SMYD3: variants seen among roughly 807,000 people sequenced by gnomAD.
SMYD3 encodes the protein SET and MYND domain containing 3, also known as histone-lysine N-methyltransferase SMYD3.
Under a neutral mutation model 57.7 loss-of-function variants are expected in SMYD3, and 36 were observed. The observed-to-expected ratio is 0.62, with a 90% CI of 0.48 to 0.82. The LOEUF is 0.82. SMYD3 is among the 40% of genes least tolerant of loss of function. The pLI, the probability that SMYD3 is intolerant of heterozygous loss-of-function variation, is 0.00. For missense variants in SMYD3, 515 were observed against 538.8 expected (o/e 0.96, Z 0.44); for synonymous variants, 211 against 195.0 (o/e 1.08, Z -0.68).
At chr1:246,176,342 T>TA (rs1422834801) in intron 5 of SMYD3, among the ~76,000 whole-genome samples, 16 of 152,292 alleles carry the variant, frequency 1.1e-4, no homozygotes, top group African/African-American at 3.9e-4. Context: ...GGACTATATT[T>TA]AGCTCTTCAG....
chr1:245,762,517 C>A (rs1431115054), intron 11 of SMYD3, among the ~76,000 whole-genome samples: 1 of 152,158 alleles, frequency 6.6e-6, no homozygotes. Flanking sequence ...TACCCCCAGA[C>A]CAGAAAAGGA....
intron 8 of SMYD3, among the ~76,000 whole-genome samples, chr1:245,906,973 A>G: frequency 6.6e-6 from 1 of 152,230 alleles, no homozygotes; most frequent in East Asian, 1.9e-4. Flanking sequence ...TATTACTAAA[A>G]AATCACATGT....
chr1:246,339,700 G>A (rs2065600528), intron 2 of SMYD3, among the ~76,000 whole-genome samples: 1 of 152,198 alleles, frequency 6.6e-6, no homozygotes, highest in Admixed American at 6.5e-5. Flanking sequence ...TTCATGTGCT[G>A]GAAACGTAAT....
rs760975005 is a variant in SMYD3 at position 245,749,536 on chromosome 1, G to A, written c.*27C>T. ...AATAAGGCATTCAACAAAGACACAC[G>A]CCGTATTTCCCTCTGACTGCGTTCC... On this transcript the variant is annotated 3_prime_UTR_variant, in exon 12 of 12. Transcript: ENST00000490107. 49 of 1,561,890 alleles carry A rather than the reference G, an allele frequency of 3.1e-5. No individual in the cohort carries two copies. The Admixed American group carries it at 4.5e-4, about 14-fold the overall frequency.
chr1:246,013,304 C>T (rs1238721146), intron 5 of SMYD3, among the ~76,000 whole-genome samples: 1 of 152,148 alleles, frequency 6.6e-6, no homozygotes, highest in Non-Finnish European at 1.5e-5. Context: ...CCCAGCCTCC[C>T]GAGTAGCTGG....
At chr1:246,197,903 C>T (rs1216529368) in intron 5 of SMYD3, among the ~76,000 whole-genome samples, 1 of 152,170 alleles carries the variant, frequency 6.6e-6, no homozygotes, top group African/African-American at 2.4e-5. Context: ...AACAGTCTTT[C>T]CAATACTAAA....
chr1:246,277,154 T>A (rs1331156877), intron 5 of SMYD3, among the ~76,000 whole-genome samples: 3 of 152,172 alleles, frequency 2.0e-5, no homozygotes, highest in African/African-American at 7.2e-5. Context: ...TGTGAACTTG[T>A]AAATAGTTGA....
chr1:245,907,282 T>A (rs1375158747), intron 8 of SMYD3, among the ~76,000 whole-genome samples: 1 of 152,224 alleles, frequency 6.6e-6, no homozygotes, highest in Non-Finnish European at 1.5e-5. Flanking sequence ...TTCCTTAACA[T>A]GCTTCTTTCA....
chr1:245,764,238 A>T, intron 10 of SMYD3, 89 bp from the exon 11 acceptor site: 1 of 826,246 alleles, frequency 1.2e-6, no homozygotes, highest in East Asian at 2.5e-5. Context: ...GGAAGCAGAC[A>T]CTAGCTGTGA....
At chr1:246,032,980 T>A (rs1303430324) in intron 5 of SMYD3, among the ~76,000 whole-genome samples, 1 of 152,190 alleles carries the variant, frequency 6.6e-6, no homozygotes, top group Admixed American at 6.5e-5. Context: ...GCTTTAGGGA[T>A]CGCTGCAAGT....
At chr1:246,133,633 C>G (rs12075481) in intron 5 of SMYD3, among the ~76,000 whole-genome samples, 11 of 152,058 alleles carry the variant, frequency 7.2e-5, no homozygotes, top group Non-Finnish European at 1.6e-4. Flanking sequence ...CTGATACTAA[C>G]GGAAGCAGGG....
intron 2 of SMYD3, among the ~76,000 whole-genome samples, chr1:246,341,105 A>T (rs1022339856): frequency 6.6e-6 from 1 of 152,216 alleles, no homozygotes; most frequent in African/African-American, 2.4e-5. Context: ...ATAGCTTTCC[A>T]TTACTATTTA....
intron 5 of SMYD3, among the ~76,000 whole-genome samples, chr1:246,200,333 G>T (rs1412493117): frequency 1.3e-5 from 2 of 151,928 alleles, no homozygotes; most frequent in Non-Finnish European, 2.9e-5. Context: ...GAACAGCGTA[G>T]ACGCTGAGCA....
At chr1:245,771,075 T>C (rs372902677) in intron 10 of SMYD3, among the ~76,000 whole-genome samples, 18 of 152,038 alleles carry the variant, frequency 1.2e-4, no homozygotes, top group African/African-American at 3.1e-4. Flanking sequence ...CACATATACA[T>C]ACATACATAT....
At chr1:246,237,789 T>C (rs1021231184) in intron 5 of SMYD3, among the ~76,000 whole-genome samples, 2 of 152,292 alleles carry the variant, frequency 1.3e-5, no homozygotes, top group East Asian at 3.9e-4. Context: ...TGTGACTTAG[T>C]TTACTGTATT....
intron 5 of SMYD3, among the ~76,000 whole-genome samples, chr1:246,286,895 A>G (rs1159241562): frequency 6.7e-6 from 1 of 148,774 alleles, no homozygotes; most frequent in Non-Finnish European, 1.5e-5. Flanking sequence ...TTTTTTTGAG[A>G]CAGTCTTGCT....
intron 8 of SMYD3, among the ~76,000 whole-genome samples, chr1:245,894,326 CACTCTGTAAAAGGAACCAAT>C (rs2053604895): frequency 6.6e-6 from 1 of 151,672 alleles, no homozygotes; most frequent in African/African-American, 2.4e-5. Flanking sequence ...AACCTATCAG[CACTCTGTAAAAGGAACCAAT>C]CAGCAGGACA....
At chr1:246,451,779 T>A (rs900882077) in intron 1 of SMYD3, among the ~76,000 whole-genome samples, 1 of 152,272 alleles carries the variant, frequency 6.6e-6, no homozygotes, top group Non-Finnish European at 1.5e-5. Flanking sequence ...AATTTTGCTA[T>A]GTAGTTAAAA....
At chr1:246,438,743 T>C (rs1177126661) in intron 1 of SMYD3, among the ~76,000 whole-genome samples, 11 of 150,638 alleles carry the variant, frequency 7.3e-5, no homozygotes, top group Non-Finnish European at 4.4e-5. Context: ...GGGGGCGGAG[T>C]GGGGATGGTT....
Sources: allele counts gnomAD v4.1 joint callset (sites outside exome capture counted in the v4.1 genomes callset), GRCh38; gene constraint gnomAD v4.1.1; transcripts MANE v1.5; gene names NCBI Gene and HGNC (gene_info 2026-07-23, HGNC 2026-07-21).